NTNG1: variants seen among roughly 807,000 people sequenced by gnomAD.
The protein encoded by NTNG1 is netrin G1.
Under a neutral mutation model 54.0 loss-of-function variants are expected in NTNG1, and 16 were observed. The ratio of observed to expected loss-of-function variants is 0.30; its 90% confidence interval spans 0.20 to 0.45. The LOEUF (loss-of-function observed/expected upper bound fraction) is 0.45, where lower values mean the gene tolerates loss of function less well. NTNG1 is among the 20% of genes least tolerant of loss of function. The pLI is 1.00. For synonymous variants in NTNG1, 255 were observed against 263.1 expected, an observed-to-expected ratio of 0.97 and a Z score of 0.30; for missense variants, 530 against 678.7, an observed-to-expected ratio of 0.78 and a Z score of 2.43.
chr1:107,322,831 C>A (rs1667730410), intron 2 of NTNG1, among the ~76,000 whole-genome samples: 1 of 152,038 alleles, frequency 6.6e-6, no homozygotes. Context: ...ACCTTCTCTT[C>A]TTTCTCCTGC....
intron 7 of NTNG1, among the ~76,000 whole-genome samples, chr1:107,442,595 T>A (rs1343941979): frequency 6.6e-6 from 1 of 150,678 alleles, no homozygotes; most frequent in East Asian, 2.0e-4. Flanking sequence ...GTAAAGATAT[T>A]AGCTTACATT....
chr1:107,372,098 C>A (rs562313243), intron 3 of NTNG1, among the ~76,000 whole-genome samples: 1 of 151,988 alleles, frequency 6.6e-6, no homozygotes, highest in Non-Finnish European at 1.5e-5. Flanking sequence ...AGAGATTCAA[C>A]TTAATTTATC....
At chr1:107,303,210 A>G (rs963968147) in intron 2 of NTNG1, among the ~76,000 whole-genome samples, 1 of 152,198 alleles carries the variant, frequency 6.6e-6, no homozygotes, top group African/African-American at 2.4e-5. Context: ...GACCAGTGCA[A>G]TGCATTCAGG....
intron 2 of NTNG1, 102 bp from the exon 3 acceptor site, chr1:107,324,180 T>C (rs79614791): frequency 2.2e-5 from 20 of 917,494 alleles, no homozygotes; most frequent in Admixed American, 4.8e-5. Flanking sequence ...TGAAAACAGA[T>C]TTTTTTTTTC....
At chr1:107,346,884 T>TAAAAAAA (rs537482440) in intron 3 of NTNG1, among the ~76,000 whole-genome samples, 5 of 97,140 alleles carry the variant, frequency 5.1e-5, no homozygotes, top group Non-Finnish European at 7.9e-5. Context: ...TTTTCTATCC[T>TAAAAAAA]AAAAAAAAAA....
chr1:107,204,963 G>A (rs1159642022), intron 2 of NTNG1, among the ~76,000 whole-genome samples: 2 of 152,076 alleles, frequency 1.3e-5, no homozygotes, highest in African/African-American at 4.8e-5. Flanking sequence ...TCTTGGTCCA[G>A]TTCCTCACTT....
chr1:107,430,522 A>G (rs752674157), intron 5 of NTNG1, among the ~76,000 whole-genome samples: 3 of 152,310 alleles, frequency 2.0e-5, no homozygotes, highest in Admixed American at 6.5e-5. Flanking sequence ...CCAAGAATTA[A>G]CAATCTTCAG....
chr1:107,297,557 T>C (rs1244897246), intron 2 of NTNG1, among the ~76,000 whole-genome samples: 1 of 152,042 alleles, frequency 6.6e-6, no homozygotes, highest in African/African-American at 2.4e-5. Context: ...ATCTGCATTC[T>C]TAAACAGTTC....
At position 107,480,803 on chromosome 1, in the gene NTNG1, C is replaced by A; in HGVS notation, c.1583C>A (p.Thr528Asn). 6.3e-7 allele frequency: 1 copy of A among 1,583,944 alleles called. No individual in the cohort carries two copies. ...PHGSPALLLLTTLLGTASPLV... is the reference protein window; with the variant it reads ...PHGSPALLLLNTLLGTASPLV... The stretch of plus-strand genomic sequence containing the variant: ...GGCTCCCCAGCGCTGCTGCTGCTGA[C>A]CACGCTGCTGGGAACCGCCAGCCCC... The change falls in exon 8 of 8, where the codon ACC (threonine) becomes AAC (asparagine). Residue 528 changes from threonine (T) to asparagine (N), a missense_variant. By Grantham distance (65) the Thr-to-Asn change is moderately conservative. Transcript: ENST00000370068.
chr1:107,436,875 C>T, intron 7 of NTNG1, 76 bp downstream of exon 7: 1 of 1,346,066 alleles, frequency 7.4e-7, no homozygotes, highest in Non-Finnish European at 1.0e-6. Flanking sequence ...GTGCGTGCAG[C>T]TTCTCAGAGC....
At chr1:107,280,975 T>C (rs575619654) in intron 2 of NTNG1, among the ~76,000 whole-genome samples, 1 of 151,884 alleles carries the variant, frequency 6.6e-6, no homozygotes, top group Admixed American at 6.6e-5. Flanking sequence ...AATTGTTCCA[T>C]ATAATATGTT....
intron 3 of NTNG1, among the ~76,000 whole-genome samples, chr1:107,387,611 T>C (rs1309341966): frequency 6.6e-6 from 1 of 152,210 alleles, no homozygotes; most frequent in Non-Finnish European, 1.5e-5. Context: ...TGAGTCTAAT[T>C]GTTATATGAA....
At chr1:107,328,982 C>A (rs975006351) in intron 3 of NTNG1, 1 of 152,104 alleles carries the variant, frequency 6.6e-6, no homozygotes, top group East Asian at 1.9e-4. Context: ...CAGTATTTAC[C>A]CTTTAACAAA....
intron 2 of NTNG1, among the ~76,000 whole-genome samples, chr1:107,221,249 T>G (rs1660323063): frequency 1.3e-5 from 2 of 152,298 alleles, no homozygotes; most frequent in South Asian, 4.2e-4. Context: ...TTAGCTTTTT[T>G]GATAAGGCTT....
rs149815089 is a variant in NTNG1, at chr1:107,179,285, A to T, written c.246+30446A>T. On this transcript the variant is annotated intron_variant, in intron 2 of 7. Coordinates refer to ENST00000370068, the MANE Select transcript of NTNG1 (RefSeq NM_001113226.3). The stretch of plus-strand genomic sequence containing the variant: ...GGATCTACCCAATCCAAAAGACTTA[A>T]ACCTTTCTTGTGGGAAATATTTTAT... Among the ~76,000 whole-genome samples the T allele has an allele frequency of 9.2e-5, 14 of 152,252 alleles. No individual in the cohort carries two copies. In the East Asian group the frequency reaches 9.7e-4, roughly 11 times the overall value.
intron 4 of NTNG1, among the ~76,000 whole-genome samples, chr1:107,399,300 T>C (rs1305827670): frequency 6.6e-6 from 1 of 152,170 alleles, no homozygotes; most frequent in Non-Finnish European, 1.5e-5. Context: ...CATAGAAATG[T>C]CATGGAGATA....
chr1:107,173,219 T>G (rs941543295), intron 2 of NTNG1, among the ~76,000 whole-genome samples: 2 of 152,202 alleles, frequency 1.3e-5, no homozygotes, highest in African/African-American at 4.8e-5. Flanking sequence ...TAACGCATCT[T>G]AAAACCTCAC....
intron 6 of NTNG1, 113 bp from the exon 7 acceptor site, chr1:107,436,552 A>G (rs1675607692): frequency 1.2e-6 from 1 of 816,372 alleles, no homozygotes; most frequent in East Asian, 2.8e-5. Context: ...CATTTCATTA[A>G]TGGACATCTT....
At chr1:107,227,701 TAC>T (rs956396836) in intron 2 of NTNG1, among the ~76,000 whole-genome samples, 16 of 146,310 alleles carry the variant, frequency 1.1e-4, no homozygotes, top group Admixed American at 1.4e-4. Context: ...CACACACACA[TAC>T]ACACACACAC....
Sources: gnomAD v4.1 joint callset for allele counts (sites outside exome capture counted in the v4.1 genomes callset) on GRCh38, gnomAD v4.1.1 for gene constraint, MANE v1.5 for transcripts, NCBI Gene and HGNC (gene_info 2026-07-23, HGNC 2026-07-21) for gene names.